Variants in MALT1 observed in about 807,000 individuals in gnomAD.
The protein encoded by MALT1 is MALT1 paracaspase, also known as mucosa-associated lymphoid tissue lymphoma translocation protein 1.
In MALT1, 36 loss-of-function variants were observed where a neutral mutation model predicts 85.5. The ratio of observed to expected loss-of-function variants is 0.42; its 90% CI spans 0.32 to 0.56. The LOEUF is 0.56. Ranked by LOEUF, MALT1 falls within the 20% of genes least tolerant of loss-of-function variation. The probability of loss-of-function intolerance (pLI) is 0.10; values close to 1 mark genes in which losing one functional copy is unlikely to be tolerated. For synonymous variants in MALT1, 359 were observed against 361.3 expected, an observed-to-expected ratio of 0.99 and a Z score of 0.07; for missense variants, 716 against 981.6, an observed-to-expected ratio of 0.73 and a Z score of 3.62.
chr18:58,682,192 A>G (rs958544083), intron 2 of MALT1, among the ~76,000 whole-genome samples: 9 of 152,220 alleles, frequency 5.9e-5, no homozygotes, highest in Admixed American at 6.5e-5. Flanking sequence ...CTTGGTTATG[A>G]TATATTTTTA....
At chr18:58,721,852 CT>C (rs2054987696) in intron 9 of MALT1, among the ~76,000 whole-genome samples, 2 of 152,186 alleles carry the variant, frequency 1.3e-5, no homozygotes, top group Non-Finnish European at 2.9e-5. Flanking sequence ...CTTAGCAGCA[CT>C]TTGTGGCAGG....
At chr18:58,695,457 T>G (rs2144349390) in intron 2 of MALT1, among the ~76,000 whole-genome samples, 1 of 152,364 alleles carries the variant, frequency 6.6e-6, no homozygotes, top group Admixed American at 6.5e-5. Flanking sequence ...TGAGGAATGT[T>G]TGTGTCACAG....
chr18:58,698,827 G>A (rs2054631467), intron 3 of MALT1, among the ~76,000 whole-genome samples: 1 of 152,192 alleles, frequency 6.6e-6, no homozygotes, highest in Non-Finnish European at 1.5e-5. Context: ...GAAGAACAAG[G>A]GAAGATAGCA....
At chr18:58,709,674 AT>A in intron 5 of MALT1, 118 bp downstream of exon 5, 1 of 899,652 alleles carries the variant, frequency 1.1e-6, no homozygotes, top group Non-Finnish European at 1.6e-6. Context: ...TGTTTTCAGT[AT>A]TTTTATTTAA....
chr18:58,731,405 CT>C (rs1225113286), intron 10 of MALT1, among the ~76,000 whole-genome samples: 15 of 152,274 alleles, frequency 9.9e-5, no homozygotes, highest in African/African-American at 3.4e-4. Flanking sequence ...TAAATCCATT[CT>C]TTTGGTCATT....
At chr18:58,682,000 C>T (rs1179837441) in intron 2 of MALT1, among the ~76,000 whole-genome samples, 1 of 152,146 alleles carries the variant, frequency 6.6e-6, no homozygotes, top group African/African-American at 2.4e-5. Context: ...TTGAAGTTGC[C>T]TGGTTGTGGC....
chr18:58,728,604 C>CAAAT (rs1010266578), intron 10 of MALT1, among the ~76,000 whole-genome samples: 22 of 152,064 alleles, frequency 1.4e-4, no homozygotes, highest in South Asian at 1.0e-3. Context: ...GACCCTGTCT[C>CAAAT]AAATAAATAA....
At position 58,732,762 on chromosome 18, in the gene MALT1, C is replaced by CTATATATATATATATATATATAT. The variant is rs879522631; in HGVS notation, c.1223-635_1223-634insTATATATATATATATATATATAT. 9.2e-4 allele frequency among the ~76,000 whole-genome samples: 139 copies of CTATATATATATATATATATATAT among 150,612 alleles called. 1 individual carries two copies. Among genetic ancestry groups the CTATATATATATATATATATATAT allele is most frequent in the African/African-American group, 7.6e-4 (31 of 40,790 alleles). On this transcript the variant is annotated intron_variant, in intron 10 of 16. Transcript: ENST00000649217. ...TGAGTCAGGAGAGAAATCCTAGCTGCATTCTTTTTTATATATCATAACATA... is the reference window on the plus strand; with the variant it reads ...TGAGTCAGGAGAGAAATCCTAGCTGCTATATATATATATATATATATATATTCTTTTTTATATATCATAACATA...
At chr18:58,694,060 C>G (rs2054552499) in intron 2 of MALT1, among the ~76,000 whole-genome samples, 1 of 152,170 alleles carries the variant, frequency 6.6e-6, no homozygotes, top group African/African-American at 2.4e-5. Flanking sequence ...TCCCATTTTC[C>G]ACCTTTCCTA....
chr18:58,744,887 G>C (rs2055346361), intron 15 of MALT1, among the ~76,000 whole-genome samples: 1 of 151,980 alleles, frequency 6.6e-6, no homozygotes, highest in African/African-American at 2.4e-5. Context: ...ATCTAGTTCT[G>C]CTCTTTTCAA....
chr18:58,733,294 G>T, intron 10 of MALT1, 103 bp from the exon 11 acceptor site: 1 of 715,938 alleles, frequency 1.4e-6, no homozygotes, highest in Non-Finnish European at 2.4e-6. Flanking sequence ...TCAACCTGAA[G>T]AAAATTAAAG....
intron 1 of MALT1, among the ~76,000 whole-genome samples, chr18:58,674,481 G>C (rs1008273285): frequency 6.6e-6 from 1 of 152,132 alleles, no homozygotes; most frequent in Non-Finnish European, 1.5e-5. Context: ...GTTTTGAGGA[G>C]GTTGGCTGGG....
chr18:58,700,938 A>T (rs996151855), intron 4 of MALT1, among the ~76,000 whole-genome samples: 2 of 151,906 alleles, frequency 1.3e-5, no homozygotes, highest in Non-Finnish European at 2.9e-5. Flanking sequence ...GATTACAGGC[A>T]CATGCTATCA....
At position 58,747,717 on chromosome 18, in the gene MALT1, G is replaced by C. The variant is rs1818336606; in HGVS notation, c.2350G>C (p.Asp784His). ...TAGCTGTCATTGCAGCCGGACTCCA[G>C]ATGCATTTATTTCAAGTTTCGCTCA... ...ADSCHCSRTP[D>H]AFISSFAHHA... Residue 784 changes from aspartate (D) to histidine (H), a missense_variant, in exon 17 of 17, where the codon GAT becomes CAT. This residue lies in a region of MALT1 where 260 missense variants were observed against 323.7 expected (regional missense o/e 0.80). Transcript: ENST00000649217. 1 of 1,614,046 alleles carries C rather than the reference G, an allele frequency of 6.2e-7. No individual in the cohort carries two copies. Among genetic ancestry groups the C allele is most frequent in the African/African-American group, 1.3e-5 (1 of 74,938 alleles).
intron 13 of MALT1, among the ~76,000 whole-genome samples, chr18:58,737,376 C>T (rs1415251228): frequency 6.6e-6 from 1 of 151,018 alleles, no homozygotes; most frequent in African/African-American, 2.4e-5. Flanking sequence ...CAGCTACTCG[C>T]GAGACTTAGG....
At position 58,750,041 on chromosome 18, in the gene MALT1, G is replaced by A. The variant is rs1220471837; in HGVS notation, c.*2199G>A. 7 of 195,670 alleles carry A rather than the reference G, an allele frequency of 3.6e-5. No individual in the cohort carries two copies. The highest frequency in any genetic ancestry group is 8.1e-5 in the East Asian group (1 of 12,404). The allele number at this position is 195,670 out of a possible 1,614,324, so 12.1% of individuals were successfully genotyped here. Reference sequence around the variant, plus strand: ...CTAATAAAGAAAAGAGGTTTATACTGCAAAAGAAGTGAAACTATATGTATT... The same window carrying A: ...CTAATAAAGAAAAGAGGTTTATACTACAAAAGAAGTGAAACTATATGTATT... On this transcript the variant is annotated 3_prime_UTR_variant, in exon 17 of 17. Transcript: ENST00000649217.
At chr18:58,727,616 G>GGTTTTTTTTTTTTTT (rs1555688173) in intron 10 of MALT1, among the ~76,000 whole-genome samples, 4 of 121,264 alleles carry the variant, frequency 3.3e-5, no homozygotes, top group African/African-American at 1.3e-4. Flanking sequence ...GGTTTTTTGT[G>GGTTTTTTTTTTTTTT]TTTTTTTTTT....
At chr18:58,734,589 CCT>C (rs1386737263) in intron 12 of MALT1, 5 of 504,240 alleles carry the variant, frequency 9.9e-6, no homozygotes, top group Non-Finnish European at 1.8e-5. Flanking sequence ...GTGCCTGGCC[CCT>C]GAGGGTTTTT....
chr18:58,696,629 A>G (rs944305827), intron 3 of MALT1, 142 bp downstream of exon 3: 17 of 574,326 alleles, frequency 3.0e-5, no homozygotes, highest in African/African-American at 7.8e-5. Context: ...GAAGTAGTCA[A>G]TAGTCATTAT....
Sources: gnomAD v4.1 joint callset for allele counts (sites outside exome capture counted in the v4.1 genomes callset) on GRCh38, gnomAD v4.1.1 for gene constraint, gnomAD v4.1.1 regional missense constraint, MANE v1.5 for transcripts, NCBI Gene and HGNC (gene_info 2026-07-23, HGNC 2026-07-21) for gene names.